MAGI1: variants seen among roughly 807,000 people sequenced by gnomAD.
MAGI1 encodes the protein membrane-associated guanylate kinase, WW and PDZ domain-containing protein 1.
MAGI1 carries 58 observed loss-of-function variants against 139.9 expected under a neutral mutation model. The observed-to-expected ratio is 0.41, with a 90% CI of 0.34 to 0.52. The LOEUF (loss-of-function observed/expected upper bound fraction) is 0.52. Ranked by LOEUF, MAGI1 falls within the 20% of genes least tolerant of loss-of-function variation. MAGI1 has a pLI of 0.12. For synonymous variants in MAGI1, 812 were observed against 737.9 expected (o/e 1.10, Z -1.63); for missense variants, 1,874 against 1,901.6 (o/e 0.99, Z 0.27).
chr3:65,735,372 T>TGTGTGTGTGTGA (rs1559832946), intron 1 of MAGI1, among the ~76,000 whole-genome samples: 1 of 114,190 alleles, frequency 8.8e-6, no homozygotes, highest in Non-Finnish European at 1.8e-5. Context: ...TGTGTGTGTG[T>TGTGTGTGTGTGA]GTGTGTACAG....
chr3:65,882,812 G>C (rs2060384493), intron 1 of MAGI1, among the ~76,000 whole-genome samples: 1 of 151,708 alleles, frequency 6.6e-6, no homozygotes. Flanking sequence ...GTGTGCACCT[G>C]TAGTCTCAGC....
At chr3:65,777,123 G>C (rs1228323433) in intron 1 of MAGI1, among the ~76,000 whole-genome samples, 1 of 152,196 alleles carries the variant, frequency 6.6e-6, no homozygotes, top group African/African-American at 2.4e-5. Context: ...AACGCAAACA[G>C]TGAAAACTCA....
At chr3:65,766,912 T>C (rs777157505) in intron 1 of MAGI1, among the ~76,000 whole-genome samples, 54 of 151,994 alleles carry the variant, frequency 3.6e-4, no homozygotes, top group Non-Finnish European at 2.8e-4. Context: ...AACAACAGAA[T>C]AAGAGAAAGC....
intron 1 of MAGI1, among the ~76,000 whole-genome samples, chr3:65,734,800 T>C (rs563639933): frequency 2.4e-4 from 35 of 147,426 alleles, no homozygotes; most frequent in African/African-American, 8.3e-4. Flanking sequence ...GGAAGCTAAA[T>C]CCAGTGTCAC....
intron 2 of MAGI1, among the ~76,000 whole-genome samples, chr3:65,577,185 A>C (rs1207008037): frequency 6.6e-6 from 1 of 152,220 alleles, no homozygotes; most frequent in Non-Finnish European, 1.5e-5. Flanking sequence ...TATCACAGGC[A>C]GAGCTGGACT....
intron 1 of MAGI1, among the ~76,000 whole-genome samples, chr3:65,897,222 T>C (rs1421213275): frequency 6.6e-6 from 1 of 152,142 alleles, no homozygotes; most frequent in East Asian, 1.9e-4. Context: ...CTCTTCCTAA[T>C]AGTTCTGTAA....
chr3:65,685,449 A>G (rs931367900), intron 1 of MAGI1, among the ~76,000 whole-genome samples: 2 of 152,322 alleles, frequency 1.3e-5, no homozygotes, highest in East Asian at 1.9e-4. Context: ...TCTAATGAAT[A>G]TATCGTTTTC....
At chr3:65,827,066 C>T (rs1045394606) in intron 1 of MAGI1, among the ~76,000 whole-genome samples, 6 of 152,184 alleles carry the variant, frequency 3.9e-5, no homozygotes, top group Non-Finnish European at 7.3e-5. Context: ...GGTTCACTTT[C>T]TATAATCCAA....
At chr3:65,756,204 A>G (rs960751020) in intron 1 of MAGI1, among the ~76,000 whole-genome samples, 1 of 152,134 alleles carries the variant, frequency 6.6e-6, no homozygotes, top group South Asian at 2.1e-4. Context: ...CACTTAGTGG[A>G]TCCCTGAGAA....
intron 2 of MAGI1, among the ~76,000 whole-genome samples, chr3:65,587,101 A>T (rs1480333867): frequency 6.6e-6 from 1 of 152,136 alleles, no homozygotes; most frequent in African/African-American, 2.4e-5. Flanking sequence ...AATCTTTGAC[A>T]TTCCCCAATA....
intron 12 of MAGI1, among the ~76,000 whole-genome samples, chr3:65,404,811 C>T (rs1575628278): frequency 6.6e-6 from 1 of 152,194 alleles, no homozygotes; most frequent in Non-Finnish European, 1.5e-5. Context: ...TAACTGCAGA[C>T]ATATCCCTAC....
intron 1 of MAGI1, among the ~76,000 whole-genome samples, chr3:65,663,422 T>C (rs2086316851): frequency 6.6e-6 from 1 of 152,212 alleles, no homozygotes; most frequent in Non-Finnish European, 1.5e-5. Context: ...GCACTGCTTA[T>C]ATTATTTTTT....
chr3:66,013,127 G>A (rs2067417876), intron 1 of MAGI1, among the ~76,000 whole-genome samples: 1 of 152,144 alleles, frequency 6.6e-6, no homozygotes, highest in African/African-American at 2.4e-5. Context: ...ATTCTGGCTG[G>A]GCACAGCGGC....
At chr3:65,714,660 T>G (rs960859956) in intron 1 of MAGI1, among the ~76,000 whole-genome samples, 4 of 152,092 alleles carry the variant, frequency 2.6e-5, no homozygotes, top group African/African-American at 9.7e-5. Context: ...AACCGAAGCC[T>G]GATACTGTCT....
intron 1 of MAGI1, among the ~76,000 whole-genome samples, chr3:65,788,800 T>C (rs2039564854): frequency 6.6e-6 from 1 of 152,098 alleles, no homozygotes; most frequent in South Asian, 2.1e-4. Context: ...TGTGTGGGAG[T>C]TGCTCAGTGA....
intron 1 of MAGI1, among the ~76,000 whole-genome samples, chr3:66,022,034 T>G (rs2067993512): frequency 6.6e-6 from 1 of 152,136 alleles, no homozygotes; most frequent in African/African-American, 2.4e-5. Flanking sequence ...TTTTCCCGAA[T>G]GTCTCTTTCC....
intron 1 of MAGI1, among the ~76,000 whole-genome samples, chr3:65,815,389 A>T (rs1239317354): frequency 3.9e-5 from 6 of 152,220 alleles, no homozygotes; most frequent in Non-Finnish European, 8.8e-5. Flanking sequence ...GATCTAACCA[A>T]GAAAGCAGAG....
chr3:65,883,349 A>C (rs1193158994), intron 1 of MAGI1, among the ~76,000 whole-genome samples: 2 of 152,250 alleles, frequency 1.3e-5, no homozygotes, highest in Non-Finnish European at 2.9e-5. Flanking sequence ...AGCAAATTCC[A>C]GTCTAAAAGA....
intron 1 of MAGI1, among the ~76,000 whole-genome samples, chr3:65,724,902 C>G (rs2033433908): frequency 6.6e-6 from 1 of 152,144 alleles, no homozygotes; most frequent in Admixed American, 6.5e-5. Context: ...TCAATTACCT[C>G]CCACTGGGTC....
Sources: allele counts gnomAD v4.1 joint callset (sites outside exome capture counted in the v4.1 genomes callset), GRCh38; gene constraint gnomAD v4.1.1; transcripts MANE v1.5; gene names NCBI Gene and HGNC (gene_info 2026-07-23, HGNC 2026-07-21).